Variants in PCDH11X observed in about 807,000 individuals in gnomAD.
PCDH11X encodes protocadherin 11 X-linked.
PCDH11X carries 18 observed loss-of-function variants against 53.3 expected under a neutral mutation model. That is an observed-to-expected ratio of 0.34 (90% CI 0.23 to 0.50). PCDH11X has a LOEUF of 0.50. Ranked by LOEUF, PCDH11X falls within the 20% of genes least tolerant of loss-of-function variation. The pLI is 0.98. For missense variants in PCDH11X, 570 were observed against 1,032.4 expected, an observed-to-expected ratio of 0.55 and a Z score of 6.14; for synonymous variants, 279 against 393.3, an observed-to-expected ratio of 0.71 and a Z score of 3.44.
intron 6 of PCDH11X, among the ~76,000 whole-genome samples, chrX:91,903,462 C>T (rs766368730): frequency 9.0e-6 from 1 of 111,538 alleles, no homozygotes; most frequent in South Asian, 3.8e-4. Flanking sequence ...AGGTCTCATT[C>T]ATCCCTGGGT....
intron 8 of PCDH11X, among the ~76,000 whole-genome samples, chrX:92,334,054 ATT>A (rs1043420510): frequency 1.8e-5 from 2 of 111,532 alleles, no homozygotes; most frequent in Non-Finnish European, 3.8e-5. Flanking sequence ...AATACTGTAA[ATT>A]TTTTTGAAAT....
chrX:92,411,618 T>C (rs1411754313), intron 9 of PCDH11X, among the ~76,000 whole-genome samples: 40 of 110,010 alleles, frequency 3.6e-4, no homozygotes, highest in Non-Finnish European at 2.5e-4. Flanking sequence ...CATTCTTTTT[T>C]TTATGGCTGC....
At chrX:92,223,915 C>G (rs1333117797) in intron 7 of PCDH11X, among the ~76,000 whole-genome samples, 1 of 111,092 alleles carries the variant, frequency 9.0e-6, no homozygotes, top group Non-Finnish European at 1.9e-5. Flanking sequence ...CTTATAAATG[C>G]TACGGTTACA....
At chrX:92,276,033 C>G (rs1377482796) in intron 8 of PCDH11X, among the ~76,000 whole-genome samples, 2 of 110,115 alleles carry the variant, frequency 1.8e-5, no homozygotes, top group African/African-American at 6.6e-5. Flanking sequence ...GTTAAAATAT[C>G]TCAGCCTAAT....
intron 6 of PCDH11X, among the ~76,000 whole-genome samples, chrX:91,944,663 T>G (rs1383209147): frequency 9.1e-6 from 1 of 110,077 alleles, no homozygotes; most frequent in Admixed American, 9.8e-5. Context: ...AGTTGATCCC[T>G]TAAATTCTCT....
In PCDH11X at chrX:92,462,906, G is replaced by T. The variant is rs752423238; in HGVS notation, c.3344-5393G>T. 4.6e-3 allele frequency among the ~76,000 whole-genome samples: 513 copies of T among 110,605 alleles called. 6 individuals carry two copies. Among genetic ancestry groups the T allele is most frequent in the Non-Finnish European group, 5.3e-3 (279 of 52,789 alleles). ...AATTGACATTTGTGTTGTTAGGATA[G>T]TTTGACAATGTAATTAGTGAAGTCA... On this transcript the variant is annotated intron_variant, in intron 9 of 10. Coordinates refer to ENST00000682573, the MANE Select transcript of PCDH11X (RefSeq NM_032968.5).
intron 6 of PCDH11X, among the ~76,000 whole-genome samples, chrX:91,885,737 C>T (rs975654219): frequency 9.0e-6 from 1 of 111,308 alleles, no homozygotes; most frequent in Non-Finnish European, 1.9e-5. Flanking sequence ...AAATAATTAT[C>T]CAGAATTTCT....
At chrX:92,143,058 C>T (rs1486802746) in intron 6 of PCDH11X, among the ~76,000 whole-genome samples, 1 of 111,357 alleles carries the variant, frequency 9.0e-6, no homozygotes. Context: ...GGGAGGATTG[C>T]TTTGGCCCAG....
chrX:91,926,074 A>ACG (rs1301271459), intron 6 of PCDH11X, among the ~76,000 whole-genome samples: 44 of 45,290 alleles, frequency 9.7e-4, no homozygotes, highest in South Asian at 6.8e-3. Context: ...ACACACAAAC[A>ACG]CGCACACACA....
rs773860137 is a variant in PCDH11X, at chrX:92,027,405, C to T, written c.3033+148132C>T. Among the ~76,000 whole-genome samples, 12 of 110,768 alleles carry T rather than the reference C, an allele frequency of 1.1e-4. No individual in the cohort carries two copies. In the East Asian group the frequency reaches 1.7e-3, roughly 16 times the overall value. Reference sequence around the variant, plus strand: ...TCAAATAATATAGAACATAGGGAGCCGAAGCAATTTTTACTAATTGTTTCT... The same window carrying T: ...TCAAATAATATAGAACATAGGGAGCTGAAGCAATTTTTACTAATTGTTTCT... On this transcript the variant is annotated intron_variant, in intron 6 of 10. Transcript: ENST00000682573.
At chrX:92,117,929 C>T (rs780483966) in intron 6 of PCDH11X, among the ~76,000 whole-genome samples, 5 of 112,326 alleles carry the variant, frequency 4.5e-5, no homozygotes, top group Non-Finnish European at 9.4e-5. Flanking sequence ...TATACAGGTT[C>T]ACCTTTGCAT....
chrX:92,278,173 G>A (rs1319513228), intron 8 of PCDH11X, among the ~76,000 whole-genome samples: 3 of 108,690 alleles, frequency 2.8e-5, no homozygotes, highest in African/African-American at 3.3e-5. Context: ...AGAGGTTGAG[G>A]GATAGTGAGG....
intron 8 of PCDH11X, among the ~76,000 whole-genome samples, chrX:92,387,152 G>C (rs1380794701): frequency 9.1e-6 from 1 of 109,366 alleles, no homozygotes; most frequent in Non-Finnish European, 1.9e-5. Flanking sequence ...GCCATAAACT[G>C]TTATCCATAT....
chrX:92,586,626 C>T (rs1169720862), intron 10 of PCDH11X, among the ~76,000 whole-genome samples: 4 of 106,160 alleles, frequency 3.8e-5, no homozygotes, highest in East Asian at 3.0e-4. Context: ...TGGTGATGAT[C>T]GCTTAATTAA....
chrX:92,361,871 G>A, intron 8 of PCDH11X, among the ~76,000 whole-genome samples: 1 of 109,994 alleles, frequency 9.1e-6, no homozygotes, highest in East Asian at 2.9e-4. Flanking sequence ...CTTTACGTTT[G>A]TATTAATTTG....
At position 92,345,565 on chromosome X, in the gene PCDH11X, TAAAC is replaced by T. The variant is rs1453158626; in HGVS notation, c.3145-42168_3145-42165del. Among the ~76,000 whole-genome samples, 5 of 111,527 alleles carry T rather than the reference TAAAC, an allele frequency of 4.5e-5. No homozygotes were observed. In the Admixed American group the frequency reaches 4.8e-4, roughly 11 times the overall value. On this transcript the variant is annotated intron_variant, in intron 8 of 10. Transcript: ENST00000682573. Reference sequence around the variant, plus strand: ...AAAAAATGAGTTTTAAAAAATTGTTTAAACAGATTTTATTAAATCCAGAATAACG... The same window carrying T: ...AAAAAATGAGTTTTAAAAAATTGTTTAGATTTTATTAAATCCAGAATAACG...
intron 7 of PCDH11X, among the ~76,000 whole-genome samples, chrX:92,262,137 A>G (rs924507388): frequency 3.0e-5 from 3 of 99,493 alleles, no homozygotes; most frequent in Non-Finnish European, 6.1e-5. Context: ...GCCACTGGAT[A>G]AAAAAAAAAA....
At chrX:92,274,831 A>G (rs1031939562) in intron 8 of PCDH11X, among the ~76,000 whole-genome samples, 46 of 110,187 alleles carry the variant, frequency 4.2e-4, no homozygotes, top group African/African-American at 1.5e-3. Context: ...CAATAAATCA[A>G]GCATGATCAG....
intron 6 of PCDH11X, among the ~76,000 whole-genome samples, chrX:92,160,556 G>C (rs1350750227): frequency 9.2e-6 from 1 of 108,754 alleles, no homozygotes; most frequent in Non-Finnish European, 1.9e-5. Context: ...TCCACTCGTT[G>C]AGTGATGGGC....
Sources: gnomAD v4.1 joint callset for allele counts (sites outside exome capture counted in the v4.1 genomes callset) on GRCh38, gnomAD v4.1.1 for gene constraint, MANE v1.5 for transcripts, NCBI Gene and HGNC (gene_info 2026-07-23, HGNC 2026-07-21) for gene names.